ZMIZ1: variants seen among roughly 807,000 people sequenced by gnomAD.
ZMIZ1 encodes zinc finger MIZ-type containing 1.
Under a neutral mutation model 113.9 loss-of-function variants are expected in ZMIZ1, and 17 were observed. The ratio of observed to expected loss-of-function variants is 0.15; its 90% CI spans 0.10 to 0.22. The LOEUF (loss-of-function observed/expected upper bound fraction) is 0.22, where lower values mean the gene tolerates loss of function less well. Among genes scored for constraint, ZMIZ1 ranks in the 10% least tolerant of loss-of-function variants. The pLI, the probability that ZMIZ1 is intolerant of heterozygous loss-of-function variation, is 1.00. For synonymous variants in ZMIZ1, 607 were observed against 603.1 expected (o/e 1.01, Z -0.09); for missense variants, 1,059 against 1,477.8 (o/e 0.72, Z 4.65).
chr10:79,298,365 C>T (rs371053882), intron 14 of ZMIZ1, 41 bp from the exon 15 acceptor site: 27 of 1,588,468 alleles, frequency 1.7e-5, no homozygotes, highest in Admixed American at 3.6e-5. Flanking sequence ...CTTCTGTCTC[C>T]GTAATCCCAT....
chr10:79,269,490 CTT>C (rs1851818903), intron 7 of ZMIZ1, among the ~76,000 whole-genome samples: 1 of 148,912 alleles, frequency 6.7e-6, no homozygotes, highest in Non-Finnish European at 1.5e-5. Context: ...CACACACACA[CTT>C]TCTCTGTTCT....
intron 6 of ZMIZ1, among the ~76,000 whole-genome samples, chr10:79,214,153 T>C (rs1003690976): frequency 6.6e-6 from 1 of 152,150 alleles, no homozygotes; most frequent in Non-Finnish European, 1.5e-5. Flanking sequence ...ACTTGAAATA[T>C]TCAACAGGCC....
intron 3 of ZMIZ1, among the ~76,000 whole-genome samples, chr10:79,160,887 G>A (rs1283978756): frequency 6.6e-6 from 1 of 152,244 alleles, no homozygotes; most frequent in Admixed American, 6.5e-5. Context: ...TGGGCACTCC[G>A]GTGCAGAGAG....
chr10:79,251,214 T>G (rs939933340), intron 7 of ZMIZ1, among the ~76,000 whole-genome samples: 9 of 152,044 alleles, frequency 5.9e-5, no homozygotes, highest in Admixed American at 5.2e-4. Flanking sequence ...CCCCCTCCTC[T>G]CCTGTCTTCT....
chr10:79,293,656 G>A lies in ZMIZ1; in HGVS notation c.1230+3G>A. ...TAAAGAGGCCATACCCTGGAGAGGT[G>A]AGTGCAGCAGTGGGAGCCTGGGAGG... On this transcript the variant is annotated splice_donor_region_variant and intron_variant, in intron 12 of 24. Transcript: ENST00000334512. 1 of 1,613,158 alleles carries A rather than the reference G, an allele frequency of 6.2e-7. No individual in the cohort carries two copies. The highest frequency in any genetic ancestry group is 1.1e-5 in the South Asian group (1 of 91,082).
At chr10:79,123,709 G>C (rs181263417) in intron 2 of ZMIZ1, among the ~76,000 whole-genome samples, 1 of 152,204 alleles carries the variant, frequency 6.6e-6, no homozygotes, top group South Asian at 2.1e-4. Flanking sequence ...CACTCTCCTC[G>C]CCAGCCCCTC....
chr10:79,234,972 T>C (rs867071049), intron 7 of ZMIZ1, among the ~76,000 whole-genome samples: 1 of 152,232 alleles, frequency 6.6e-6, no homozygotes, highest in Middle Eastern at 3.2e-3. Flanking sequence ...CCCAAGCCCC[T>C]TTCCAGGTAG....
At chr10:79,070,860 C>T (rs1216138456) in intron 1 of ZMIZ1, among the ~76,000 whole-genome samples, 2 of 151,628 alleles carry the variant, frequency 1.3e-5, no homozygotes, top group South Asian at 2.1e-4. Flanking sequence ...CTCCCTCCCG[C>T]TGCTCCTTCC....
chr10:79,165,963 T>TGCGCGC (rs1554860939), intron 4 of ZMIZ1, among the ~76,000 whole-genome samples: 3 of 43,480 alleles, frequency 6.9e-5, no homozygotes, highest in Non-Finnish European at 9.7e-5. Flanking sequence ...TGTGTGTGTG[T>TGCGCGC]GTGTGTGTGT....
intron 7 of ZMIZ1, among the ~76,000 whole-genome samples, chr10:79,222,076 GC>G (rs1370355599): frequency 6.6e-6 from 1 of 152,252 alleles, no homozygotes; most frequent in African/African-American, 2.4e-5. Flanking sequence ...TGAGGAAGAG[GC>G]CAGCTTTCCT....
chr10:79,122,514 C>T lies in ZMIZ1; in HGVS notation c.-227+3490C>T, dbSNP rs73298176. On this transcript the variant is annotated intron_variant, in intron 2 of 24. Coordinates refer to ENST00000334512, the MANE Select transcript of ZMIZ1 (RefSeq NM_020338.4). ...TGCAGAGCCTCCTGTCTGGACTGCT[C>T]CTTGCCCACACTCCCATCTCTCCTT... 8.9e-3 allele frequency among the ~76,000 whole-genome samples: 1,349 copies of T among 152,180 alleles called. 13 individuals carry two copies. The highest frequency in any genetic ancestry group is 0.031 in the African/African-American group (1,297 of 41,480).
At chr10:79,116,621 CG>C (rs1336890993) in intron 1 of ZMIZ1, among the ~76,000 whole-genome samples, 1 of 152,076 alleles carries the variant, frequency 6.6e-6, no homozygotes, top group East Asian at 1.9e-4. Flanking sequence ...CTGGCCAGGG[CG>C]GGGCTGACCT....
intron 8 of ZMIZ1, among the ~76,000 whole-genome samples, chr10:79,289,474 C>A (rs898257500): frequency 2.6e-5 from 4 of 152,194 alleles, no homozygotes; most frequent in African/African-American, 9.7e-5. Flanking sequence ...GGCCTCAGGT[C>A]ACACCACTTC....
chr10:79,302,191 G>A lies in ZMIZ1; in HGVS notation c.2104G>A (p.Ala702Thr). The A allele has an allele frequency of 6.2e-7, 1 of 1,613,624 alleles. No homozygotes were observed. The highest frequency in any genetic ancestry group is 8.5e-7 in the Non-Finnish European group (1 of 1,180,002). Residue 702 changes from alanine (A) to threonine (T), a missense_variant, in exon 18 of 25, where the codon GCA becomes ACA. Ala to Thr is a moderately conservative substitution (Grantham distance 58). Transcript: ENST00000334512. ...QGLLKKRLLP[A>T]EHCITKIKRN... ...ACTCCTCAAGAAGCGCCTCCTGCCC[G>A]CAGAGCACTGTATCACGAAAAGTGA...
chr10:79,107,213 C>T (rs146747025), intron 1 of ZMIZ1, among the ~76,000 whole-genome samples: 3 of 152,110 alleles, frequency 2.0e-5, no homozygotes, highest in African/African-American at 7.3e-5. Flanking sequence ...TTACAAAGCC[C>T]AGAACTTTCT....
Position 79,296,555 on chromosome 10 carries a change from C to A in ZMIZ1, c.1315C>A (p.Pro439Thr). 2 of 1,612,916 alleles carry A rather than the reference C, an allele frequency of 1.2e-6. No homozygotes were observed. The highest frequency in any genetic ancestry group is 2.2e-5 in the East Asian group (1 of 44,828). Residue 439 changes from proline (P) to threonine (T), a missense_variant, in exon 13 of 25, where the codon CCA (proline) becomes ACA (threonine). Around this residue, in one of 6 missense-constraint regions of ZMIZ1, gnomAD observed 239 missense variants for 247.5 expected, o/e 0.97. Transcript: ENST00000334512. This position sits in a 1 kb window ranked among gnomAD's most constrained non-coding sequence, Gnocchi z 4.1. ...GQYPAPNPPR[P>T]LTSPNYPGQR... is the part of the protein sequence containing the mutation. ...GTACCCAGCCCCCAACCCCCCGAGG[C>A]CACTCACCTCCCCCAACTACCCAGG...
At chr10:79,205,116 G>C (rs916044224) in intron 5 of ZMIZ1, among the ~76,000 whole-genome samples, 16 of 152,230 alleles carry the variant, frequency 1.1e-4, no homozygotes, top group Non-Finnish European at 1.8e-4. Flanking sequence ...TCCTGCCCCA[G>C]CAGACTCAAT....
chr10:79,172,526 C>G (rs996827546), intron 4 of ZMIZ1, among the ~76,000 whole-genome samples: 2 of 152,180 alleles, frequency 1.3e-5, no homozygotes, highest in Non-Finnish European at 2.9e-5. Context: ...AGTATCATCT[C>G]CATTTTATGG....
At chr10:79,092,424 G>A (rs904069416) in intron 1 of ZMIZ1, among the ~76,000 whole-genome samples, 15 of 152,228 alleles carry the variant, frequency 9.9e-5, no homozygotes. Context: ...AGGCCTTGGC[G>A]TTCTCCTCCA....
Sources: allele counts gnomAD v4.1 joint callset (sites outside exome capture counted in the v4.1 genomes callset), GRCh38; gene constraint gnomAD v4.1.1; regional missense constraint gnomAD v4.1.1; non-coding constraint Gnocchi (gnomAD v3.1); transcripts MANE v1.5; gene names NCBI Gene and HGNC (gene_info 2026-07-23, HGNC 2026-07-21).